C1orf21: variants seen among roughly 807,000 people sequenced by gnomAD.
C1orf21 encodes chromosome 1 open reading frame 21.
C1orf21 carries 3 observed loss-of-function variants against 18.7 expected under a neutral mutation model. The observed-to-expected ratio is 0.16, with a 90% CI of 0.07 to 0.42. The LOEUF is 0.42. Ranked by LOEUF, C1orf21 falls within the 10% of genes least tolerant of loss-of-function variation. The pLI is 0.99. For synonymous variants in C1orf21, 41 were observed against 46.4 expected, an observed-to-expected ratio of 0.88 and a Z score of 0.47; for missense variants, 104 against 143.6, an observed-to-expected ratio of 0.72 and a Z score of 1.41.
intron 1 of C1orf21, among the ~76,000 whole-genome samples, chr1:184,436,680 TC>T (rs1236821547): frequency 8.5e-5 from 13 of 152,100 alleles, no homozygotes; most frequent in Non-Finnish European, 1.8e-4. Flanking sequence ...TCCTAGGACT[TC>T]CCCCTTTCTC....
At chr1:184,619,024 A>G (rs1659875383) in intron 5 of C1orf21, among the ~76,000 whole-genome samples, 1 of 152,260 alleles carries the variant, frequency 6.6e-6, no homozygotes, top group South Asian at 2.1e-4. Context: ...TACCAAGCAC[A>G]GACCTGTTAT....
At chr1:184,581,138 T>C (rs1040606678) in intron 3 of C1orf21, among the ~76,000 whole-genome samples, 1 of 151,938 alleles carries the variant, frequency 6.6e-6, no homozygotes, top group African/African-American at 2.4e-5. Flanking sequence ...GATAAACTAT[T>C]AATATTGGCT....
At chr1:184,410,656 T>TA (rs1656332338) in intron 1 of C1orf21, among the ~76,000 whole-genome samples, 1 of 7,628 alleles carries the variant, frequency 1.3e-4, no homozygotes, top group African/African-American at 1.7e-3. Flanking sequence ...TATATATATA[T>TA]ATATATATTT....
intron 1 of C1orf21, among the ~76,000 whole-genome samples, chr1:184,468,324 G>A (rs1253089674): frequency 6.6e-6 from 1 of 152,098 alleles, no homozygotes; most frequent in East Asian, 1.9e-4. Context: ...GCCCGAGGCA[G>A]AGCACAAGGA....
intron 3 of C1orf21, among the ~76,000 whole-genome samples, chr1:184,588,905 G>A (rs1659398461): frequency 1.3e-5 from 2 of 152,146 alleles, no homozygotes; most frequent in South Asian, 4.2e-4. Flanking sequence ...TGGGAGTGAT[G>A]CGTTACTGAG....
chr1:184,512,776 A>G (rs1262594853), intron 3 of C1orf21, among the ~76,000 whole-genome samples: 2 of 152,076 alleles, frequency 1.3e-5, no homozygotes, highest in African/African-American at 2.4e-5. Context: ...AATTATTGAC[A>G]CAGGGGTCCC....
intron 3 of C1orf21, among the ~76,000 whole-genome samples, chr1:184,571,296 C>CAAAAAAA (rs66868646): frequency 5.8e-5 from 5 of 85,562 alleles, no homozygotes; most frequent in Non-Finnish European, 7.0e-5. Flanking sequence ...GACTCCGTCT[C>CAAAAAAA]AAAAAAAAAA....
At chr1:184,460,987 T>G (rs1657299750) in intron 1 of C1orf21, among the ~76,000 whole-genome samples, 2 of 152,084 alleles carry the variant, frequency 1.3e-5, no homozygotes, top group African/African-American at 4.8e-5. Context: ...AAAATGTGGC[T>G]TGTATACCTG....
intron 2 of C1orf21, among the ~76,000 whole-genome samples, chr1:184,497,948 T>C (rs1657917000): frequency 2.0e-5 from 3 of 152,224 alleles, no homozygotes; most frequent in Non-Finnish European, 4.4e-5. Flanking sequence ...TGACTTTTCA[T>C]CTGTCTCTCT....
intron 3 of C1orf21, among the ~76,000 whole-genome samples, chr1:184,562,548 C>T (rs1294465920): frequency 3.9e-5 from 6 of 152,220 alleles, no homozygotes; most frequent in African/African-American, 1.4e-4. Flanking sequence ...AAGTCATTCA[C>T]CCCATACGGG....
intron 1 of C1orf21, among the ~76,000 whole-genome samples, chr1:184,411,101 A>G (rs1238807206): frequency 6.6e-6 from 1 of 152,118 alleles, no homozygotes; most frequent in African/African-American, 2.4e-5. Context: ...ACAGGAACAT[A>G]TGTGGTTTAC....
chr1:184,561,662 G>C (rs150930923), intron 3 of C1orf21, among the ~76,000 whole-genome samples: 1 of 152,224 alleles, frequency 6.6e-6, no homozygotes, highest in Non-Finnish European at 1.5e-5. Flanking sequence ...TGTTGCCCAG[G>C]CTGGAATGCG....
intron 2 of C1orf21, among the ~76,000 whole-genome samples, chr1:184,491,562 G>A (rs1309300145): frequency 1.3e-5 from 2 of 152,104 alleles, no homozygotes; most frequent in African/African-American, 4.8e-5. Flanking sequence ...ATATTGCCCA[G>A]GCTGTTCTCG....
intron 3 of C1orf21, among the ~76,000 whole-genome samples, chr1:184,528,005 A>G (rs1658403546): frequency 6.6e-6 from 1 of 152,184 alleles, no homozygotes; most frequent in Non-Finnish European, 1.5e-5. Flanking sequence ...CTGTTAAAAT[A>G]TTGTTTTGAT....
Position 184,508,496 on chromosome 1 carries a change from AC to A in C1orf21, c.189+815del, listed in dbSNP as rs374525492. Among the ~76,000 whole-genome samples the A allele has an allele frequency of 3.8e-4, 58 of 152,218 alleles. No individual in the cohort carries two copies. The East Asian group carries it at 0.01, about 27-fold the overall frequency. On this transcript the variant is annotated intron_variant, in intron 3 of 5. Coordinates refer to ENST00000235307, the MANE Select transcript of C1orf21 (RefSeq NM_030806.4). ...CAATGTCATATAATACTTTCACTTG[AC>A]TTAAACTCGTTTTTTTATAATGTGC...
chr1:184,484,575 G>T (rs182757470), intron 2 of C1orf21, among the ~76,000 whole-genome samples: 13 of 152,330 alleles, frequency 8.5e-5, no homozygotes, highest in African/African-American at 2.9e-4. Flanking sequence ...TGGCCAAGGA[G>T]CTGGAGGCAG....
rs140096880 is a variant in C1orf21, at chr1:184,603,829, G to C, written c.327+5368G>C. Among the ~76,000 whole-genome samples, 521 of 152,284 alleles carry C rather than the reference G, an allele frequency of 3.4e-3. 5 individuals are homozygous for C. Among genetic ancestry groups the C allele is most frequent in the African/African-American group, 0.012 (502 of 41,546 alleles). On this transcript the variant is annotated intron_variant, in intron 5 of 5. Coordinates refer to ENST00000235307, the MANE Select transcript of C1orf21 (RefSeq NM_030806.4). ...AAATAAAAATAAATAAAAGATATTT[G>C]TTTGTCTGTAGACCTCTACATCTAT...
intron 2 of C1orf21, among the ~76,000 whole-genome samples, chr1:184,500,931 TG>T (rs1657967007): frequency 6.6e-6 from 1 of 152,150 alleles, no homozygotes; most frequent in Non-Finnish European, 1.5e-5. Context: ...TCTTCCCTCT[TG>T]AGACTTGCTG....
intron 3 of C1orf21, among the ~76,000 whole-genome samples, chr1:184,526,429 C>T (rs1247220106): frequency 1.3e-5 from 2 of 152,116 alleles, no homozygotes; most frequent in South Asian, 2.1e-4. Context: ...CCTCCCATCC[C>T]CAGCATTTTA....
Sources: allele counts gnomAD v4.1 joint callset (sites outside exome capture counted in the v4.1 genomes callset), GRCh38; gene constraint gnomAD v4.1.1; transcripts MANE v1.5; gene names NCBI Gene and HGNC (gene_info 2026-07-23, HGNC 2026-07-21).